MREG: variants seen among roughly 807,000 people sequenced by gnomAD.
MREG encodes melanoregulin.
In MREG, 31 loss-of-function variants were observed where a neutral mutation model predicts 28.5. That is an observed-to-expected ratio of 1.09 (90% CI 0.82 to 1.47). MREG has a LOEUF of 1.47. Among genes scored for constraint, MREG ranks in the 40% most tolerant of loss-of-function variants. The pLI is 0.00. For missense variants in MREG, 256 were observed against 257.4 expected (o/e 0.99, Z 0.04); for synonymous variants, 106 against 95.2 (o/e 1.11, Z -0.66).
chr2:216,031,034 A>G (rs1694680523), intron 1 of MREG, among the ~76,000 whole-genome samples: 2 of 151,544 alleles, frequency 1.3e-5, no homozygotes, highest in Non-Finnish European at 2.9e-5. Context: ...CTTGCTCATC[A>G]AAACATCTGC....
At chr2:215,949,390 T>G (rs1015180998) in intron 2 of MREG, among the ~76,000 whole-genome samples, 2 of 150,596 alleles carry the variant, frequency 1.3e-5, no homozygotes, top group Non-Finnish European at 2.9e-5. Context: ...TGAAACCCCG[T>G]CTCTACTAAA....
At chr2:216,030,709 ATTT>A (rs1694666525) in intron 1 of MREG, among the ~76,000 whole-genome samples, 1 of 144,436 alleles carries the variant, frequency 6.9e-6, no homozygotes, top group Admixed American at 7.3e-5. Context: ...CAACTGGCTA[ATTT>A]TTGTATTTCT....
rs1465755924 is a variant in MREG, at chr2:216,026,106, C to A, written c.-68+6683G>T. ...ATTATGATAAGTGAAAAAAGCCAGA[C>A]ACAAAAGGTCACACATTATATGATT... On this transcript the variant is annotated intron_variant, in intron 1 of 3. Coordinates refer to the MREG transcript ENST00000420348. 2.0e-5 allele frequency among the ~76,000 whole-genome samples: 3 copies of A among 152,120 alleles called. No individual in the cohort carries two copies. In the East Asian group the frequency reaches 5.8e-4, roughly 29 times the overall value.
chr2:215,970,605 G>A (rs1455329795), intron 2 of MREG, among the ~76,000 whole-genome samples: 2 of 152,176 alleles, frequency 1.3e-5, no homozygotes, highest in Admixed American at 1.3e-4. Flanking sequence ...AAGGGCAGCA[G>A]GGAAACAGCA....
chr2:215,954,268 G>C, intron 2 of MREG, among the ~76,000 whole-genome samples: 1 of 152,130 alleles, frequency 6.6e-6, no homozygotes, highest in Non-Finnish European at 1.5e-5. Context: ...TGGATCTAAT[G>C]ACCAGTTCAA....
chr2:216,030,179 T>C (rs1327837006), intron 1 of MREG, among the ~76,000 whole-genome samples: 1 of 152,214 alleles, frequency 6.6e-6, no homozygotes, highest in East Asian at 1.9e-4. Flanking sequence ...ATATAGATTA[T>C]TGGGGGTGAT....
chr2:216,020,267 A>C (rs1305562892), intron 1 of MREG, among the ~76,000 whole-genome samples: 1 of 152,214 alleles, frequency 6.6e-6, no homozygotes, highest in African/African-American at 2.4e-5. Context: ...AAGTAACTGG[A>C]AACTTCAGAC....
upstream of MREG, among the ~76,000 whole-genome samples, chr2:216,018,036 G>A (rs1362220315): frequency 6.6e-6 from 1 of 151,714 alleles, no homozygotes; most frequent in Non-Finnish European, 1.5e-5. Context: ...GGTGGTGCAT[G>A]CCTGTAATCC....
chr2:215,976,184 C>G (rs1391438703), intron 2 of MREG, among the ~76,000 whole-genome samples: 1 of 152,112 alleles, frequency 6.6e-6, no homozygotes. Context: ...CCACTTGCAA[C>G]AATCTGCGTG....
rs745975033 is a variant in MREG at position 215,996,310 on chromosome 2, G to T, written c.251C>A (p.Ser84Ter). The T allele has an allele frequency of 6.2e-7, 1 of 1,613,346 alleles. No individual in the cohort carries two copies. Among genetic ancestry groups the T allele is most frequent in the Non-Finnish European group, 8.5e-7 (1 of 1,179,712 alleles). ...IVIRNQQAKDSEEWQKLNYDI... is the reference protein window; with the variant it reads ...IVIRNQQAKD Reference sequence around the variant, plus strand: ...AAGACATCAAAAGGTGCTCACCTCTGAGTCTTTGGCCTGCTGATTACGAAT... The same window carrying T: ...AAGACATCAAAAGGTGCTCACCTCTTAGTCTTTGGCCTGCTGATTACGAAT... Residue 84 changes from serine (S) to a stop codon, truncating the protein, a stop_gained, in exon 2 of 5, where the codon TCA becomes TAA. Transcript: ENST00000263268. LOFTEE classifies it high-confidence loss of function.
intron 1 of MREG, among the ~76,000 whole-genome samples, chr2:215,998,863 T>C (rs1437073431): frequency 6.6e-6 from 1 of 152,194 alleles, no homozygotes; most frequent in Non-Finnish European, 1.5e-5. Flanking sequence ...AAATAGGACA[T>C]TGTCTCTGCC....
chr2:215,954,796 C>T (rs112939958), intron 2 of MREG, among the ~76,000 whole-genome samples: 9,553 of 152,014 alleles, frequency 0.063, 469 homozygotes, highest in African/African-American at 0.14. Flanking sequence ...CTCCGCCTCC[C>T]GGGTTCAAGC....
chr2:216,032,530 C>T (rs924333619), intron 1 of MREG, among the ~76,000 whole-genome samples: 1 of 152,174 alleles, frequency 6.6e-6, no homozygotes, highest in Non-Finnish European at 1.5e-5. Context: ...GTACAGGGGT[C>T]TTCCTAGGGC....
intron 2 of MREG, among the ~76,000 whole-genome samples, chr2:215,955,411 C>A (rs960779017): frequency 6.6e-6 from 1 of 152,144 alleles, no homozygotes; most frequent in Admixed American, 6.6e-5. Flanking sequence ...GATTCATGCA[C>A]TATATACCAC....
intron 2 of MREG, among the ~76,000 whole-genome samples, chr2:215,960,336 C>T (rs775681518): frequency 7.9e-5 from 12 of 152,204 alleles, no homozygotes; most frequent in Admixed American, 3.3e-4. Flanking sequence ...AACCGGGATT[C>T]GCCCAGGTCC....
intron 2 of MREG, among the ~76,000 whole-genome samples, chr2:215,966,999 G>T (rs1258198221): frequency 6.6e-6 from 1 of 152,170 alleles, no homozygotes; most frequent in Non-Finnish European, 1.5e-5. Context: ...TGACTCAAGT[G>T]TTGGGGTTTA....
intron 2 of MREG, among the ~76,000 whole-genome samples, chr2:215,970,784 G>A (rs1025115164): frequency 3.9e-5 from 6 of 152,194 alleles, no homozygotes; most frequent in African/African-American, 1.4e-4. Flanking sequence ...AGTGCTGTAC[G>A]AATGTTAATT....
chr2:215,961,140 C>CA (rs1306168145), intron 2 of MREG, among the ~76,000 whole-genome samples: 7 of 152,216 alleles, frequency 4.6e-5, no homozygotes, highest in Non-Finnish European at 1.0e-4. Flanking sequence ...GGGTGGAGGC[C>CA]AGGAGAGGCC....
chr2:215,976,866 G>A (rs951112635), intron 2 of MREG, among the ~76,000 whole-genome samples: 7 of 152,170 alleles, frequency 4.6e-5, no homozygotes, highest in Non-Finnish European at 1.0e-4. Context: ...CCTTACAAGA[G>A]CTCCTGAAGG....
Sources: gnomAD v4.1 joint callset for allele counts (sites outside exome capture counted in the v4.1 genomes callset) on GRCh38, gnomAD v4.1.1 for gene constraint, MANE v1.5 for transcripts, NCBI Gene and HGNC (gene_info 2026-07-23, HGNC 2026-07-21) for gene names.